The following INO80 variants were observed in gnomAD, a reference collection of about 807,000 sequenced individuals.
The protein encoded by INO80 is INO80 complex ATPase subunit.
A neutral mutation model predicts 203.4 loss-of-function variants in INO80; 20 were observed. That is an observed-to-expected ratio of 0.10 (90% CI 0.07 to 0.14). The LOEUF is 0.14. INO80 is among the 10% of genes least tolerant of loss of function. The pLI, the probability that INO80 is intolerant of heterozygous loss-of-function variation, is 1.00. For synonymous variants in INO80, 726 were observed against 685.2 expected (o/e 1.06, Z -0.93); for missense variants, 1,419 against 1,914.4 (o/e 0.74, Z 4.83).
At chr15:41,021,266 G>C in intron 25 of INO80, 141 bp from the exon 26 acceptor site, 3 of 610,184 alleles carry the variant, frequency 4.9e-6, no homozygotes, top group South Asian at 4.3e-5. Flanking sequence ...GGCACACTAA[G>C]CTGTCCCTAA....
rs71104771 is a variant in INO80, at chr15:41,099,237, C to CAAAAAAAAAAAAA, written c.-43-2897_-43-2885dup. 9.5e-5 allele frequency among the ~76,000 whole-genome samples: 2 copies of CAAAAAAAAAAAAA among 21,094 alleles called. 1 individual carries two copies. The highest frequency in any genetic ancestry group is 2.2e-3 in the Admixed American group (2 of 898). The allele number at this position is 21,094 out of a possible 152,430, so 13.8% of individuals were successfully genotyped here. ...TCCAGCCTGGAGTAAGACCCTGTCT[C>CAAAAAAAAAAAAA]AAAAAAAAAAAAAAAAAAAAAAAAA... On this transcript the variant is annotated intron_variant, in intron 1 of 35. Transcript: ENST00000648947.
chr15:40,998,332 A>C (rs796565467), intron 28 of INO80, among the ~76,000 whole-genome samples: 4 of 152,106 alleles, frequency 2.6e-5, no homozygotes, highest in African/African-American at 9.6e-5. Flanking sequence ...CAAAGCATTC[A>C]TTTTAAGATG....
rs553388376 is a variant in INO80 at position 41,034,214 on chromosome 15, A to C, written c.2908-6478T>G. On this transcript the variant is annotated intron_variant, in intron 24 of 35. Transcript: ENST00000648947. Reference sequence around the variant, plus strand: ...ATGGTACTTCTTTGGATTCTGTAACAAAAAATTCATATTTTATCTTCACCA... The same window carrying C: ...ATGGTACTTCTTTGGATTCTGTAACCAAAAATTCATATTTTATCTTCACCA... Among the ~76,000 whole-genome samples, 107 of 152,370 alleles carry C rather than the reference A, an allele frequency of 7.0e-4. 2 individuals are homozygous for C. In the South Asian group the frequency reaches 0.017, roughly 24 times the overall value.
chr15:41,051,105 G>T (rs927522917), intron 19 of INO80, among the ~76,000 whole-genome samples: 1 of 121,670 alleles, frequency 8.2e-6, no homozygotes, highest in Non-Finnish European at 1.6e-5. Flanking sequence ...CTCCAGCCTG[G>T]GTGACAGAAT....
rs180849393 is a variant in INO80 at position 41,111,586 on chromosome 15, T to C, written c.-44+4387A>G. ...TTGGGAGGCTAAGGTGGGCGGATCA[T>C]GAGGTCAGGAGTTTGAAACCAGCCT... On this transcript the variant is annotated intron_variant, in intron 1 of 35. Coordinates refer to ENST00000648947, the MANE Select transcript of INO80 (RefSeq NM_017553.3). 2.7e-3 allele frequency among the ~76,000 whole-genome samples: 416 copies of C among 152,138 alleles called. 3 individuals are homozygous for C. The highest frequency in any genetic ancestry group is 0.013 in the South Asian group (62 of 4,820).
At position 41,000,870 on chromosome 15, in the gene INO80, T is replaced by C. The variant is rs180727575; in HGVS notation, c.3498-3269A>G. On this transcript the variant is annotated intron_variant, in intron 28 of 35. Coordinates refer to ENST00000648947, the MANE Select transcript of INO80 (RefSeq NM_017553.3). Reference sequence around the variant, plus strand: ...GAAAGAAATGTAGGTAAAAATAAATTAGTAGAAAAACTTAGAAATACAATG... The same window carrying C: ...GAAAGAAATGTAGGTAAAAATAAATCAGTAGAAAAACTTAGAAATACAATG... Among the ~76,000 whole-genome samples, 6 of 152,126 alleles carry C rather than the reference T, an allele frequency of 3.9e-5. No homozygotes were observed. In the East Asian group the frequency reaches 1.2e-3, roughly 29 times the overall value.
At chr15:41,033,979 G>A (rs2044531741) in intron 24 of INO80, among the ~76,000 whole-genome samples, 1 of 152,056 alleles carries the variant, frequency 6.6e-6, no homozygotes, top group South Asian at 2.1e-4. Context: ...GGAGAATGGC[G>A]TGAACCTGGG....
At chr15:41,064,245 T>C (rs1360985285) in intron 14 of INO80, among the ~76,000 whole-genome samples, 2 of 152,194 alleles carry the variant, frequency 1.3e-5, no homozygotes, top group African/African-American at 4.8e-5. Flanking sequence ...TGCTGAGACA[T>C]AAAAATGAGG....
intron 12 of INO80, among the ~76,000 whole-genome samples, chr15:41,071,098 GT>G (rs1246673761): frequency 6.6e-6 from 1 of 152,124 alleles, no homozygotes; most frequent in East Asian, 1.9e-4. Flanking sequence ...GAGCCCAGGA[GT>G]TTAAGGCTAC....
chr15:41,059,939 C>T lies in INO80; in HGVS notation c.1783-13G>A, dbSNP rs747932232. The T allele has an allele frequency of 8.8e-5, 135 of 1,540,256 alleles. No individual in the cohort carries two copies. The highest frequency in any genetic ancestry group is 7.0e-4 in the South Asian group (61 of 87,586). ...AATATGGTAGCACCTAGAAAAAGGG[C>T]CAATATATACATTACTTTCTATAGA... On this transcript the variant is annotated splice_polypyrimidine_tract_variant and intron_variant, in intron 14 of 35. Transcript: ENST00000648947.
At chr15:41,093,366 A>C (rs888526262) in intron 4 of INO80, among the ~76,000 whole-genome samples, 1 of 152,096 alleles carries the variant, frequency 6.6e-6, no homozygotes, top group African/African-American at 2.4e-5. Flanking sequence ...GAGAGGTTGC[A>C]GTGAGCTGAG....
chr15:41,081,145 T>G (rs1050342465), intron 7 of INO80, 72 bp from the exon 8 acceptor site: 5 of 928,766 alleles, frequency 5.4e-6, no homozygotes, highest in Admixed American at 1.9e-5. Flanking sequence ...ATGAACAGTC[T>G]TTTACTCAAT....
At position 41,097,335 on chromosome 15, in the gene INO80, C is replaced by T. The variant is rs944509325; in HGVS notation, c.-43-982G>A. Reference sequence around the variant, plus strand: ...TGCTGGGATTACAGGCTTGAGCCACCGCGCCCAGCCTTCTCCCACCACTTT... The same window carrying T: ...TGCTGGGATTACAGGCTTGAGCCACTGCGCCCAGCCTTCTCCCACCACTTT... On this transcript the variant is annotated intron_variant, in intron 1 of 35. Coordinates refer to ENST00000648947, the MANE Select transcript of INO80 (RefSeq NM_017553.3). Among the ~76,000 whole-genome samples, 5 of 151,320 alleles carry T rather than the reference C, an allele frequency of 3.3e-5. No individual in the cohort carries two copies. In the South Asian group the frequency reaches 6.3e-4, roughly 19 times the overall value.
intron 29 of INO80, among the ~76,000 whole-genome samples, chr15:40,989,119 C>T (rs1298122117): frequency 6.6e-6 from 1 of 152,096 alleles, no homozygotes; most frequent in Non-Finnish European, 1.5e-5. Flanking sequence ...GCGGGGAGTA[C>T]AGTGAGCTGA....
chr15:41,021,396 C>T (rs945052275), intron 25 of INO80, among the ~76,000 whole-genome samples: 13 of 152,186 alleles, frequency 8.5e-5, no homozygotes, highest in African/African-American at 3.1e-4. Flanking sequence ...ACCAGGTCAG[C>T]AATAACTCTA....
At chr15:41,115,501 T>C (rs2046019916) in intron 1 of INO80, among the ~76,000 whole-genome samples, 1 of 152,176 alleles carries the variant, frequency 6.6e-6, no homozygotes, top group Non-Finnish European at 1.5e-5. Context: ...GTATCTCAAC[T>C]TGCCCCTTAC....
chr15:40,982,764 C>T (rs552320163), intron 35 of INO80, 98 bp downstream of exon 35: 2 of 997,118 alleles, frequency 2.0e-6, no homozygotes, highest in East Asian at 2.4e-5. Context: ...GAAGAAAGCT[C>T]CCGGCTTCAG....
intron 6 of INO80, among the ~76,000 whole-genome samples, chr15:41,086,849 C>T (rs1248195707): frequency 2.0e-5 from 3 of 152,090 alleles, no homozygotes; most frequent in East Asian, 1.9e-4. Context: ...TAAATCACCT[C>T]GGACAGCAAC....
intron 1 of INO80, among the ~76,000 whole-genome samples, chr15:41,102,244 T>G (rs1054166631): frequency 1.3e-5 from 2 of 152,228 alleles, no homozygotes; most frequent in Non-Finnish European, 2.9e-5. Context: ...TTCATGCCCA[T>G]GCATTTGCAT....
Sources: gnomAD v4.1 joint callset for allele counts (sites outside exome capture counted in the v4.1 genomes callset) on GRCh38, gnomAD v4.1.1 for gene constraint, MANE v1.5 for transcripts, NCBI Gene and HGNC (gene_info 2026-07-23, HGNC 2026-07-21) for gene names.